GALNT13: variants seen among roughly 807,000 people sequenced by gnomAD.
GALNT13 encodes UDP-GalNAc:polypeptide N-acetylgalactosaminyltransferase 13.
GALNT13 carries 28 observed loss-of-function variants against 64.2 expected under a neutral mutation model. The observed-to-expected ratio is 0.44, with a 90% CI of 0.32 to 0.60. The LOEUF is 0.60. Ranked by LOEUF, GALNT13 falls within the 20% of genes least tolerant of loss-of-function variation. The pLI is 0.05. For synonymous variants in GALNT13, 214 were observed against 224.6 expected, an observed-to-expected ratio of 0.95 and a Z score of 0.42; for missense variants, 577 against 669.8, an observed-to-expected ratio of 0.86 and a Z score of 1.53.
the GALNT13 span, among the ~76,000 whole-genome samples, chr2:153,533,723 CT>C: frequency 0.016 from 791 of 48,586 alleles, 1 homozygote; most frequent in African/African-American, 0.062. Flanking sequence ...TGAGGTTTTT[CT>C]TTTTTTTTTT....
chr2:154,417,291 A>G (rs1257907159), intron 11 of GALNT13, among the ~76,000 whole-genome samples: 2 of 151,026 alleles, frequency 1.3e-5, no homozygotes, highest in Non-Finnish European at 3.0e-5. Flanking sequence ...CCAAAAAAAA[A>G]AAAAAAAAAA....
intron 4 of GALNT13, among the ~76,000 whole-genome samples, chr2:154,209,730 G>A (rs1687662667): frequency 6.6e-6 from 1 of 152,020 alleles, no homozygotes; most frequent in Non-Finnish European, 1.5e-5. Flanking sequence ...TTTTTAAATT[G>A]TTAATTGACA....
intron 3 of GALNT13, among the ~76,000 whole-genome samples, chr2:153,972,995 T>G (rs1693842199): frequency 6.6e-6 from 1 of 152,078 alleles, no homozygotes; most frequent in African/African-American, 2.4e-5. Flanking sequence ...TTCAAACTTC[T>G]GAAAATTCTC....
chr2:154,133,347 T>A (rs923257004), intron 3 of GALNT13, among the ~76,000 whole-genome samples: 1 of 151,840 alleles, frequency 6.6e-6, no homozygotes, highest in African/African-American at 2.4e-5. Context: ...AATCTCTACT[T>A]ATGATCTAAT....
At chr2:153,879,877 A>G (rs1686664723) in intron 1 of GALNT13, among the ~76,000 whole-genome samples, 1 of 152,236 alleles carries the variant, frequency 6.6e-6, no homozygotes, top group Non-Finnish European at 1.5e-5. Flanking sequence ...GATAGTAAAC[A>G]TGGAAAAATC....
chr2:154,155,523 G>T (rs187277283), intron 4 of GALNT13, among the ~76,000 whole-genome samples: 30 of 152,094 alleles, frequency 2.0e-4, no homozygotes, highest in African/African-American at 6.5e-4. Context: ...CTTAAGGGAA[G>T]GGTAAATTGT....
intron 9 of GALNT13, among the ~76,000 whole-genome samples, chr2:154,305,406 C>A (rs142866788): frequency 1.2e-4 from 18 of 152,134 alleles, no homozygotes; most frequent in Admixed American, 2.6e-4. Flanking sequence ...CACACACACA[C>A]GCGTATTTAT....
At chr2:153,254,251 T>C in the GALNT13 span, among the ~76,000 whole-genome samples, 85 of 152,318 alleles carry the variant, frequency 5.6e-4, no homozygotes, top group African/African-American at 2.0e-3. Flanking sequence ...CTAGTTTATT[T>C]GCGTAGAGGT....
At chr2:154,067,042 G>T (rs1017854710) in intron 3 of GALNT13, among the ~76,000 whole-genome samples, 17 of 152,068 alleles carry the variant, frequency 1.1e-4, no homozygotes, top group African/African-American at 3.9e-4. Flanking sequence ...CTGTTTGTTT[G>T]CTTGTTTTTG....
At chr2:153,258,096 A>T in the GALNT13 span, among the ~76,000 whole-genome samples, 2 of 152,330 alleles carry the variant, frequency 1.3e-5, no homozygotes, top group East Asian at 1.9e-4. Flanking sequence ...TCAGCTTTAA[A>T]AAAAGTCTTA....
intron 7 of GALNT13, among the ~76,000 whole-genome samples, chr2:154,258,819 A>AG (rs1430595842): frequency 1.8e-4 from 27 of 151,806 alleles, no homozygotes; most frequent in African/African-American, 6.0e-4. Context: ...AAAAAAAAAA[A>AG]CAAAAACTAA....
At chr2:153,122,953 T>C in the GALNT13 span, among the ~76,000 whole-genome samples, 1 of 151,818 alleles carries the variant, frequency 6.6e-6, no homozygotes, top group Non-Finnish European at 1.5e-5. Flanking sequence ...TAATGACTGG[T>C]GTTCTTCTAA....
At chr2:154,272,227 GAA>G (rs1465031328) in intron 8 of GALNT13, among the ~76,000 whole-genome samples, 1 of 151,808 alleles carries the variant, frequency 6.6e-6, no homozygotes, top group African/African-American at 2.4e-5. Context: ...GTACACACAA[GAA>G]AAATAAACAA....
chr2:153,514,833 G>T, the GALNT13 span, among the ~76,000 whole-genome samples: 3 of 152,154 alleles, frequency 2.0e-5, no homozygotes, highest in South Asian at 6.2e-4. Context: ...GCTGTGCTGA[G>T]AATGCTGCTT....
intron 4 of GALNT13, among the ~76,000 whole-genome samples, chr2:154,147,385 A>C: frequency 6.7e-6 from 1 of 148,686 alleles, no homozygotes; most frequent in Non-Finnish European, 1.5e-5. Context: ...GGAATTTTAT[A>C]TATATATATA....
intron 2 of GALNT13, among the ~76,000 whole-genome samples, chr2:153,909,091 G>T (rs1008178970): frequency 6.6e-6 from 1 of 151,950 alleles, no homozygotes; most frequent in African/African-American, 2.4e-5. Flanking sequence ...GCAGTGTTTT[G>T]TGATTCTCAT....
Position 153,963,945 on chromosome 2 carries a change from G to C in GALNT13, c.142+19306G>C, listed in dbSNP as rs184539076. 2.6e-5 allele frequency among the ~76,000 whole-genome samples: 4 copies of C among 151,906 alleles called. No homozygotes were observed. The East Asian group carries it at 5.8e-4, about 22-fold the overall frequency. On this transcript the variant is annotated intron_variant, in intron 3 of 12. Coordinates refer to ENST00000392825, the MANE Select transcript of GALNT13 (RefSeq NM_052917.4). The stretch of plus-strand genomic sequence containing the variant: ...CGTATTTTTTTATGCTTCTTTTATT[G>C]TTCTAGCTAAGAAATATTTTCCAAT...
At chr2:153,741,214 T>A in the GALNT13 span, among the ~76,000 whole-genome samples, 1 of 152,136 alleles carries the variant, frequency 6.6e-6, no homozygotes, top group African/African-American at 2.4e-5. Flanking sequence ...TATTTCAATC[T>A]ATTTATTTAT....
At chr2:153,118,402 C>A in the GALNT13 span, among the ~76,000 whole-genome samples, 1 of 152,192 alleles carries the variant, frequency 6.6e-6, no homozygotes, top group Non-Finnish European at 1.5e-5. Flanking sequence ...CCTCTAACAC[C>A]AACTGCAAGG....
Sources: allele counts gnomAD v4.1 joint callset (sites outside exome capture counted in the v4.1 genomes callset), GRCh38; gene constraint gnomAD v4.1.1; transcripts MANE v1.5; gene names NCBI Gene and HGNC (gene_info 2026-07-23, HGNC 2026-07-21).